Variants in RAD9B observed in about 807,000 individuals in gnomAD.
RAD9B encodes the protein cell cycle checkpoint control protein RAD9B.
A neutral mutation model predicts 48.3 loss-of-function variants in RAD9B; 41 were observed. That is an observed-to-expected ratio of 0.85 (90% confidence interval 0.66 to 1.10). The LOEUF is 1.10. Among genes scored for constraint, RAD9B ranks in the 50% least tolerant of loss-of-function variants. The probability of loss-of-function intolerance (pLI) is 0.00; values close to 1 mark genes in which losing one functional copy is unlikely to be tolerated. For synonymous variants in RAD9B, 160 were observed against 157.9 expected, an observed-to-expected ratio of 1.01 and a Z score of -0.10; for missense variants, 444 against 485.1, an observed-to-expected ratio of 0.92 and a Z score of 0.80.
intron 1 of RAD9B, chr12:110,502,796 T>A (rs1394528217): frequency 6.0e-6 from 1 of 165,318 alleles, no homozygotes; most frequent in Non-Finnish European, 1.3e-5. Context: ...AGTCACTAAA[T>A]CTCTTTGGGG....
Position 110,505,771 on chromosome 12 carries a change from A to G in RAD9B, c.272A>G (p.Lys91Arg), listed in dbSNP as rs1362757108. The change falls in exon 3 of 11, where the codon AAG (lysine) becomes AGG (arginine). Residue 91 changes from lysine (K) to arginine (R), a missense_variant and splice_region_variant. By Grantham distance (26) the Lys-to-Arg change is conservative. Coordinates refer to ENST00000409300, the MANE Select transcript of RAD9B (RefSeq NM_001286535.2). ...CATTTAAAATGCAAATTGGGAATGA[A>G]GGTAAATATAAGTGGCCCTGGTTTT... ...TLHLKCKLGM[K>R]SILPIFRCLN... The G allele has an allele frequency of 6.2e-7, 1 of 1,611,490 alleles. No homozygotes were observed. The highest frequency in any genetic ancestry group is 2.2e-5 in the East Asian group (1 of 44,862).
intron 9 of RAD9B, 61 bp from the exon 10 acceptor site, chr12:110,522,116 T>C: frequency 9.1e-7 from 1 of 1,094,444 alleles, no homozygotes; most frequent in South Asian, 1.5e-5. Context: ...TGTCCATTAG[T>C]TATATAAAAA....
intron 4 of RAD9B, among the ~76,000 whole-genome samples, chr12:110,510,383 G>T (rs973234048): frequency 6.6e-6 from 1 of 152,132 alleles, no homozygotes; most frequent in Non-Finnish European, 1.5e-5. Flanking sequence ...TTCAATACCT[G>T]GAGATGTTTC....
intron 8 of RAD9B, among the ~76,000 whole-genome samples, chr12:110,519,195 C>G (rs2063698544): frequency 6.6e-6 from 1 of 152,090 alleles, no homozygotes; most frequent in Non-Finnish European, 1.5e-5. Flanking sequence ...GCTCTGCCTC[C>G]CGGGTTCAAG....
chr12:110,531,664 G>C lies in RAD9B; in HGVS notation c.*1011G>C. On this transcript the variant is annotated 3_prime_UTR_variant, in exon 11 of 11. Transcript: ENST00000409300. ...GTATCCTCCACTGCCAAGACAGCCT[G>C]AGTTTGGAGTGGAATAAGGTGGAAG... 6.3e-7 allele frequency: 1 copy of C among 1,599,654 alleles called. No homozygotes were observed. Among genetic ancestry groups the C allele is most frequent in the Non-Finnish European group, 8.5e-7 (1 of 1,173,004 alleles).
intron 9 of RAD9B, among the ~76,000 whole-genome samples, chr12:110,520,383 A>AT (rs113291612): frequency 2.1e-4 from 32 of 149,420 alleles, no homozygotes; most frequent in African/African-American, 6.1e-4. Context: ...AATTTTTTGT[A>AT]TTTTTTTTTG....
chr12:110,522,444 C>A, intron 10 of RAD9B, 33 bp downstream of exon 10: 1 of 1,410,540 alleles, frequency 7.1e-7, no homozygotes, highest in South Asian at 1.2e-5. Flanking sequence ...ACATCTCAGT[C>A]AAGAATTCTC....
chr12:110,519,002 G>A lies in RAD9B; in HGVS notation c.767+64G>A. 3 of 1,113,318 alleles carry A rather than the reference G, an allele frequency of 2.7e-6. No individual in the cohort carries two copies. In the Admixed American group the frequency reaches 8.1e-5, roughly 30 times the overall value. The allele number at this position is 1,113,318 out of a possible 1,614,324, so 69.0% of individuals were successfully genotyped here. The stretch of plus-strand genomic sequence containing the variant: ...TTTTATATCAATAACAAAACCTTTT[G>A]GATCACTTTGAAATTAATTAACACC... On this transcript the variant is annotated intron_variant, in intron 8 of 10. Coordinates refer to ENST00000409300, the MANE Select transcript of RAD9B (RefSeq NM_001286535.2).
rs944741914 is a variant in RAD9B at position 110,530,836 on chromosome 12, A to G, written c.*183A>G. On this transcript the variant is annotated 3_prime_UTR_variant, in exon 11 of 11. Coordinates refer to ENST00000409300, the MANE Select transcript of RAD9B (RefSeq NM_001286535.2). Reference sequence around the variant, plus strand: ...CTAGAAATAGCTGTTTGTCAAGTGTATGTAACTTGCTTTAAATCCATTATG... The same window carrying G: ...CTAGAAATAGCTGTTTGTCAAGTGTGTGTAACTTGCTTTAAATCCATTATG... 3 of 1,375,462 alleles carry G rather than the reference A, an allele frequency of 2.2e-6. No individual in the cohort carries two copies. Among genetic ancestry groups the G allele is most frequent in the African/African-American group, 2.9e-5 (2 of 68,954 alleles). 85.2% of individuals were successfully genotyped at this position (1,375,462 alleles called of 1,614,324 possible). A position where few individuals can be genotyped will look rare whatever the true frequency, so the allele number is the denominator to read the frequency against.
chr12:110,510,050 ATAT>A (rs1277836365), intron 4 of RAD9B, among the ~76,000 whole-genome samples: 1 of 152,192 alleles, frequency 6.6e-6, no homozygotes, highest in African/African-American at 2.4e-5. Context: ...AAAATAGGTC[ATAT>A]TATGTCACTT....
chr12:110,519,953 A>G, intron 9 of RAD9B, 37 bp downstream of exon 9: 1 of 1,588,854 alleles, frequency 6.3e-7, no homozygotes, highest in Non-Finnish European at 8.6e-7. Context: ...TACTTGGGAC[A>G]AGCCATCATA....
At chr12:110,527,704 G>T (rs1020062954) in intron 10 of RAD9B, among the ~76,000 whole-genome samples, 2 of 152,204 alleles carry the variant, frequency 1.3e-5, no homozygotes, top group Admixed American at 1.3e-4. Context: ...CGGGACTAGG[G>T]TATAGGTATA....
intron 4 of RAD9B, among the ~76,000 whole-genome samples, chr12:110,507,553 TTAAATATATATGTATTATA>T: frequency 2.8e-5 from 3 of 105,394 alleles, no homozygotes; most frequent in South Asian, 3.4e-4. Context: ...AATATATGTA[TTAAATATATATGTATTATA>T]TATGTATAAT....
At chr12:110,503,013 G>A (rs769873257) in intron 1 of RAD9B, 1 of 153,186 alleles carries the variant, frequency 6.5e-6, no homozygotes, top group African/African-American at 2.4e-5. Flanking sequence ...GGGAGGCCAA[G>A]GCGGGTGGAT....
In RAD9B at chr12:110,517,660, A is replaced by G. The variant is rs956405256; in HGVS notation, c.596-1016A>G. The stretch of plus-strand genomic sequence containing the variant: ...AATAAAAACATTAAAGTAATGTTAT[A>G]TGTGTATGTATAAATACATTCCTCT... On this transcript the variant is annotated intron_variant, in intron 6 of 10. Transcript: ENST00000409300. 2.0e-5 allele frequency among the ~76,000 whole-genome samples: 3 copies of G among 151,674 alleles called. No homozygotes were observed. In the East Asian group the frequency reaches 5.8e-4, roughly 29 times the overall value.
At chr12:110,527,096 C>T (rs1030118213) in intron 10 of RAD9B, among the ~76,000 whole-genome samples, 2 of 152,130 alleles carry the variant, frequency 1.3e-5, no homozygotes, top group Non-Finnish European at 2.9e-5. Flanking sequence ...AAGGTGTCAT[C>T]AGAGCTGTGT....
At chr12:110,511,604 G>A (rs981457853) in intron 4 of RAD9B, 1 of 316,966 alleles carries the variant, frequency 3.2e-6, no homozygotes, top group African/African-American at 2.2e-5. Context: ...AGAGAGGTTG[G>A]TCAGTAGGTA....
intron 10 of RAD9B, among the ~76,000 whole-genome samples, chr12:110,524,596 C>T (rs2063878802): frequency 6.6e-6 from 1 of 150,550 alleles, no homozygotes; most frequent in African/African-American, 2.4e-5. Flanking sequence ...ACTTATCACT[C>T]TCTTGCTTTT....
intron 2 of RAD9B, among the ~76,000 whole-genome samples, chr12:110,504,424 C>T (rs1412686055): frequency 6.9e-6 from 1 of 145,652 alleles, no homozygotes; most frequent in Non-Finnish European, 1.5e-5. Context: ...AGTGAGCCGA[C>T]ATGGTGCCAC....
Sources: allele counts gnomAD v4.1 joint callset (sites outside exome capture counted in the v4.1 genomes callset), GRCh38; gene constraint gnomAD v4.1.1; transcripts MANE v1.5; gene names NCBI Gene and HGNC (gene_info 2026-07-23, HGNC 2026-07-21).